Variants in REEP3 observed in about 807,000 individuals in gnomAD.
REEP3 encodes the protein receptor expression-enhancing protein 3.
Under a neutral mutation model 41.3 loss-of-function variants are expected in REEP3, and 20 were observed. The observed-to-expected ratio is 0.48, with a 90% CI of 0.34 to 0.70. REEP3 has a LOEUF of 0.70. REEP3 is among the 30% of genes least tolerant of loss of function. The probability of loss-of-function intolerance (pLI) is 0.01; values close to 1 mark genes in which losing one functional copy is unlikely to be tolerated. For missense variants in REEP3, 271 were observed against 308.8 expected (o/e 0.88, Z 0.92); for synonymous variants, 104 against 101.8 (o/e 1.02, Z -0.13).
At chr10:63,547,327 T>G (rs1564475141) in intron 1 of REEP3, among the ~76,000 whole-genome samples, 1 of 152,112 alleles carries the variant, frequency 6.6e-6, no homozygotes, top group African/African-American at 2.4e-5. Flanking sequence ...ACACTAAAAT[T>G]AAGCACTTCT....
intron 2 of REEP3, among the ~76,000 whole-genome samples, chr10:63,572,555 AGTTTTATCAGAACTCT>A (rs1955862876): frequency 6.6e-6 from 1 of 152,204 alleles, no homozygotes; most frequent in Non-Finnish European, 1.5e-5. Flanking sequence ...GACTGTTAAC[AGTTTTATCAGAACTCT>A]GTCCTCATAA....
At chr10:63,547,107 A>G (rs1955586301) in intron 1 of REEP3, among the ~76,000 whole-genome samples, 1 of 151,392 alleles carries the variant, frequency 6.6e-6, no homozygotes, top group Non-Finnish European at 1.5e-5. Context: ...TTTTTAGTAG[A>G]GGCGGGGTTT....
intron 7 of REEP3, among the ~76,000 whole-genome samples, chr10:63,620,529 C>G (rs1016483780): frequency 2.1e-4 from 32 of 152,172 alleles, no homozygotes; most frequent in African/African-American, 7.5e-4. Context: ...TGAATGGCCT[C>G]TGATCATTAT....
intron 5 of REEP3, among the ~76,000 whole-genome samples, chr10:63,601,046 C>T (rs986853057): frequency 1.5e-4 from 23 of 151,884 alleles, no homozygotes; most frequent in Non-Finnish European, 2.8e-4. Flanking sequence ...CCCAGCTACT[C>T]GGGAGGCTGA....
chr10:63,596,724 A>G (rs1233909236), intron 3 of REEP3, among the ~76,000 whole-genome samples: 1 of 152,222 alleles, frequency 6.6e-6, no homozygotes, highest in Non-Finnish European at 1.5e-5. Context: ...CTCAAGCTAC[A>G]TGAGGGCAAA....
chr10:63,558,616 C>T (rs1955712495), intron 1 of REEP3, among the ~76,000 whole-genome samples: 1 of 152,006 alleles, frequency 6.6e-6, no homozygotes, highest in African/African-American at 2.4e-5. Context: ...GCAAGACCCC[C>T]CTCTCTACAA....
chr10:63,599,188 G>A lies in REEP3; in HGVS notation c.322G>A (p.Val108Ile). 1 of 1,582,468 alleles carries A rather than the reference G, an allele frequency of 6.3e-7. No individual in the cohort carries two copies. Among genetic ancestry groups the A allele is most frequent in the Non-Finnish European group, 8.6e-7 (1 of 1,166,000 alleles). ...SKEREIDDYI[V>I]QAKERGYETM... ...CCCCCAGGAGATTGATGATTATATT[G>A]TACAAGCAAAGGAACGAGGCTATGA... Residue 108 changes from valine (V) to isoleucine (I), a missense_variant, in exon 5 of 8, where the codon GTA becomes ATA. Val to Ile is a conservative substitution (Grantham distance 29). Coordinates refer to ENST00000373758, the MANE Select transcript of REEP3 (RefSeq NM_001001330.3).
chr10:63,547,961 A>G (rs906825903), intron 1 of REEP3, among the ~76,000 whole-genome samples: 2 of 152,206 alleles, frequency 1.3e-5, no homozygotes, highest in East Asian at 1.9e-4. Context: ...AAGAATGCCT[A>G]TTTTCTTCTA....
intron 1 of REEP3, among the ~76,000 whole-genome samples, chr10:63,561,433 G>A (rs916614033): frequency 1.3e-5 from 2 of 152,202 alleles, no homozygotes; most frequent in African/African-American, 2.4e-5. Context: ...GGCAATCCAG[G>A]CATGAAGCAG....
At chr10:63,597,649 C>T (rs1197650958) in intron 3 of REEP3, among the ~76,000 whole-genome samples, 2 of 152,178 alleles carry the variant, frequency 1.3e-5, no homozygotes, top group South Asian at 2.1e-4. Flanking sequence ...CTGTGGCTCA[C>T]GCCTGTAATC....
chr10:63,619,560 C>A, intron 6 of REEP3, 95 bp from the exon 7 acceptor site: 1 of 1,077,924 alleles, frequency 9.3e-7, no homozygotes, highest in Non-Finnish European at 1.3e-6. Flanking sequence ...GGGGGAAATG[C>A]AAACCATACA....
Position 63,620,907 on chromosome 10 carries a change from A to T in REEP3, c.*38A>T. Reference sequence around the variant, plus strand: ...CAAATATCCCAAGACAGATTATGCTAAATACATCGACTTCATCTTCTAACA... The same window carrying T: ...CAAATATCCCAAGACAGATTATGCTTAATACATCGACTTCATCTTCTAACA... On this transcript the variant is annotated 3_prime_UTR_variant, in exon 8 of 8. Coordinates refer to ENST00000373758, the MANE Select transcript of REEP3 (RefSeq NM_001001330.3). 1 of 1,275,134 alleles carries T rather than the reference A, an allele frequency of 7.8e-7. No homozygotes were observed. The highest frequency in any genetic ancestry group is 1.5e-5 in the African/African-American group (1 of 67,916). 79.0% of individuals were successfully genotyped at this position (1,275,134 alleles called of 1,614,324 possible).
intron 2 of REEP3, among the ~76,000 whole-genome samples, chr10:63,568,677 CAG>C (rs1390575610): frequency 2.1e-5 from 2 of 96,844 alleles, no homozygotes; most frequent in Non-Finnish European, 4.1e-5. Flanking sequence ...TTTTTTGAGA[CAG>C]GGTCTTGCTG....
chr10:63,590,863 A>T (rs1173059206), intron 2 of REEP3, among the ~76,000 whole-genome samples: 1 of 152,254 alleles, frequency 6.6e-6, no homozygotes, highest in African/African-American at 2.4e-5. Context: ...ATTTCTATCA[A>T]TAAAGTTAGT....
chr10:63,598,369 G>A (rs1380387926), intron 4 of REEP3, among the ~76,000 whole-genome samples: 4 of 150,506 alleles, frequency 2.7e-5, no homozygotes, highest in East Asian at 2.0e-4. Flanking sequence ...CTGTAACCCC[G>A]GTTAGTCAGG....
At chr10:63,590,605 A>G (rs1956052557) in intron 2 of REEP3, among the ~76,000 whole-genome samples, 1 of 152,108 alleles carries the variant, frequency 6.6e-6, no homozygotes, top group Non-Finnish European at 1.5e-5. Context: ...TTCCTATGTT[A>G]TGTGAGCCTC....
At chr10:63,607,983 T>C (rs1956244113) in intron 5 of REEP3, among the ~76,000 whole-genome samples, 1 of 152,186 alleles carries the variant, frequency 6.6e-6, no homozygotes, top group Non-Finnish European at 1.5e-5. Context: ...GGAAATCGCA[T>C]GTGAATTGAG....
intron 1 of REEP3, among the ~76,000 whole-genome samples, chr10:63,545,815 C>T (rs972661433): frequency 1.4e-4 from 21 of 151,488 alleles, no homozygotes; most frequent in African/African-American, 4.6e-4. Flanking sequence ...TAAGCCACTG[C>T]GCCCAGCCTC....
chr10:63,553,114 C>CT (rs993654712), intron 1 of REEP3, among the ~76,000 whole-genome samples: 1 of 152,080 alleles, frequency 6.6e-6, no homozygotes, highest in Non-Finnish European at 1.5e-5. Flanking sequence ...AAGACCAAAC[C>CT]TTTTTTTAAA....
Sources: allele counts gnomAD v4.1 joint callset (sites outside exome capture counted in the v4.1 genomes callset), GRCh38; gene constraint gnomAD v4.1.1; transcripts MANE v1.5; gene names NCBI Gene and HGNC (gene_info 2026-07-23, HGNC 2026-07-21).